The following ZFC3H1 variants were observed in gnomAD, a reference collection of about 807,000 sequenced individuals.
The protein encoded by ZFC3H1 is zinc finger C3H1 domain-containing protein.
In ZFC3H1, 71 loss-of-function variants were observed where a neutral mutation model predicts 243.7. The ratio of observed to expected loss-of-function variants is 0.29; its 90% CI spans 0.24 to 0.36. The LOEUF (loss-of-function observed/expected upper bound fraction) is 0.36, where lower values mean the gene tolerates loss of function less well. ZFC3H1 is among the 10% of genes least tolerant of loss of function. ZFC3H1 has a pLI of 1.00. For missense variants in ZFC3H1, 1,966 were observed against 2,317.1 expected, an observed-to-expected ratio of 0.85 and a Z score of 3.11; for synonymous variants, 838 against 813.0, an observed-to-expected ratio of 1.03 and a Z score of -0.52.
At chr12:71,625,292 A>C (rs1592588195) in intron 22 of ZFC3H1, among the ~76,000 whole-genome samples, 1 of 152,202 alleles carries the variant, frequency 6.6e-6, no homozygotes, top group Non-Finnish European at 1.5e-5. Flanking sequence ...TTATTTAAAA[A>C]TTTATCTGAA....
intron 6 of ZFC3H1, 38 bp downstream of exon 6, chr12:71,642,398 C>T (rs182623730): frequency 1.5e-5 from 24 of 1,590,382 alleles, no homozygotes; most frequent in Non-Finnish European, 2.0e-5. Context: ...CTATTTAATA[C>T]ATGTAAATAC....
Position 71,659,410 on chromosome 12 carries a change from CTAAGTT to C in ZFC3H1, c.599-2115_599-2110del, listed in dbSNP as rs1881106233. Among the ~76,000 whole-genome samples, 4 of 152,250 alleles carry C rather than the reference CTAAGTT, an allele frequency of 2.6e-5. No individual in the cohort carries two copies. In the South Asian group the frequency reaches 6.2e-4, roughly 24 times the overall value. On this transcript the variant is annotated intron_variant, in intron 1 of 34. Coordinates refer to ENST00000378743, the MANE Select transcript of ZFC3H1 (RefSeq NM_144982.5). The stretch of plus-strand genomic sequence containing the variant: ...TCACAATTTTTGCATAGCTTTGTGT[CTAAGTT>C]TGTCTGTTCTTCAACTTAACCCCAA...
In ZFC3H1 at chr12:71,632,006, G is replaced by T; in HGVS notation, c.3326C>A (p.Thr1109Asn). ...CAAAACCTTCTCTGTAATGCCTGTG[G>T]TGGTTTTTAAAATCAGCTGTTTTAG... is the stretch of plus-strand genomic sequence containing the variant. ...DSLKQLILKT[T>N]TGITEKVLHG... The change falls in exon 15 of 35, where the codon ACC becomes AAC. Residue 1109 changes from threonine (T) to asparagine (N), a missense_variant. Around this residue, in one of 4 missense-constraint regions of ZFC3H1, gnomAD observed 1,383 missense variants for 1,723.7 expected, o/e 0.80. Transcript: ENST00000378743. 6.2e-7 allele frequency: 1 copy of T among 1,600,764 alleles called. No individual in the cohort carries two copies. Among genetic ancestry groups the T allele is most frequent in the South Asian group, 1.1e-5 (1 of 89,040 alleles).
At position 71,628,926 on chromosome 12, in the gene ZFC3H1, ATTGGTCC is replaced by A. The variant is rs747847564; in HGVS notation, c.3931_3937del (p.Gly1311LeufsTer11). ...ATTACATAACTTCTTACCATACTTA[ATTGGTCC>A]TGTAGACTGTTCCTCATCACTACTG... On this transcript the variant is annotated frameshift_variant, in exon 20 of 35. Transcript: ENST00000378743. LOFTEE classifies it high-confidence loss of function. 6.3e-7 allele frequency: 1 copy of A among 1,592,250 alleles called. No individual in the cohort carries two copies. The highest frequency in any genetic ancestry group is 1.4e-5 in the African/African-American group (1 of 73,504).
chr12:71,620,823 C>T (rs1347315553), intron 24 of ZFC3H1, among the ~76,000 whole-genome samples: 6 of 152,102 alleles, frequency 3.9e-5, no homozygotes, highest in Admixed American at 6.5e-5. Flanking sequence ...ACTTATTAAA[C>T]GGTACAATGT....
chr12:71,644,869 A>G lies in ZFC3H1; in HGVS notation c.1279+8T>C. The stretch of plus-strand genomic sequence containing the variant: ...ACAAAAACACAAGAATTTAATAAAA[A>G]TGATCACCTGTAGTGCTAACTTTTT... On this transcript the variant is annotated splice_region_variant and intron_variant, in intron 4 of 34. Coordinates refer to ENST00000378743, the MANE Select transcript of ZFC3H1 (RefSeq NM_144982.5). 1 of 1,588,042 alleles carries G rather than the reference A, an allele frequency of 6.3e-7. No individual in the cohort carries two copies. Among genetic ancestry groups the G allele is most frequent in the Non-Finnish European group, 8.5e-7 (1 of 1,173,580 alleles).
intron 6 of ZFC3H1, among the ~76,000 whole-genome samples, chr12:71,640,312 C>T (rs902475032): frequency 2.0e-5 from 3 of 152,164 alleles, no homozygotes; most frequent in African/African-American, 4.8e-5. Context: ...TGTGAGTCAC[C>T]GTGCCCAGCC....
Position 71,662,997 on chromosome 12 carries a change from G to T in ZFC3H1, c.598+16C>A, listed in dbSNP as rs1881227626. 1 of 1,572,940 alleles carries T rather than the reference G, an allele frequency of 6.4e-7. No individual in the cohort carries two copies. The highest frequency in any genetic ancestry group is 8.6e-7 in the Non-Finnish European group (1 of 1,160,192). On this transcript the variant is annotated intron_variant, in intron 1 of 34. Transcript: ENST00000378743. The stretch of plus-strand genomic sequence containing the variant: ...TTTAGTGACACACCCAGCGCCGACC[G>T]CCACGTTAAGGATACAGCTCTTCCG...
intron 27 of ZFC3H1, among the ~76,000 whole-genome samples, chr12:71,616,453 C>G (rs1423622864): frequency 6.6e-6 from 1 of 152,060 alleles, no homozygotes; most frequent in Non-Finnish European, 1.5e-5. Context: ...GATCTATGAT[C>G]AAATAAGGTT....
Position 71,620,333 on chromosome 12 carries a change from A to G in ZFC3H1, c.4745-18T>C, listed in dbSNP as rs1879995117. The G allele has an allele frequency of 1.9e-6, 3 of 1,609,776 alleles. No individual in the cohort carries two copies. The highest frequency in any genetic ancestry group is 1.3e-5 in the African/African-American group (1 of 74,800). ...CACTGCATCTACCCAAAAACATCAC[A>G]ACAACATGAATCACGTCAATCATAA... On this transcript the variant is annotated intron_variant, in intron 24 of 34. Coordinates refer to ENST00000378743, the MANE Select transcript of ZFC3H1 (RefSeq NM_144982.5).
intron 2 of ZFC3H1, 22 bp downstream of exon 2, chr12:71,656,863 C>A (rs752922951): frequency 3.2e-6 from 5 of 1,582,196 alleles, no homozygotes; most frequent in Non-Finnish European, 4.3e-6. Flanking sequence ...TCATTACTAA[C>A]TGAAATATTT....
intron 18 of ZFC3H1, among the ~76,000 whole-genome samples, chr12:71,629,941 A>G (rs1223595143): frequency 2.6e-5 from 4 of 152,160 alleles, no homozygotes; most frequent in Admixed American, 2.6e-4. Flanking sequence ...AGTTCCTAAA[A>G]TGAACTAAGT....
intron 6 of ZFC3H1, among the ~76,000 whole-genome samples, chr12:71,640,719 C>T (rs140102039): frequency 3.0e-4 from 46 of 152,296 alleles, no homozygotes; most frequent in Non-Finnish European, 5.7e-4. Context: ...GCCGGGACCA[C>T]CCCATCATTT....
Position 71,636,969 on chromosome 12 carries a change from G to A in ZFC3H1, c.1816C>T (p.Pro606Ser). 8.7e-6 allele frequency: 14 copies of A among 1,614,008 alleles called. No individual in the cohort carries two copies. The highest frequency in any genetic ancestry group is 1.2e-5 in the Non-Finnish European group (14 of 1,179,952). ...PPLPPLPPLPPEDPEQPPKPP... is the reference protein window; with the variant it reads ...PPLPPLPPLPSEDPEQPPKPP... ...TTTGGAGGCTGTTCTGGATCTTCAG[G>A]TGGGAGAGGTGGTAATGGTGGTAGA... The change falls in exon 8 of 35, where the codon CCT (proline) becomes TCT (serine). Residue 606 changes from proline (P) to serine (S), a missense_variant. This residue lies in a region of ZFC3H1 where 1,383 missense variants were observed against 1,723.7 expected (regional missense o/e 0.80). Transcript: ENST00000378743.
Position 71,632,108 on chromosome 12 carries a change from T to G in ZFC3H1, c.3224A>C (p.Asn1075Thr). ...NKECINKLNK[N>T]TVEKPELFLG... ...AAAAAGTTCTGGTTTTTCTACAGTA[T>G]TTTTATTAAGTTTGTTTATGCATTC... is the stretch of plus-strand genomic sequence containing the variant. The change falls in exon 15 of 35, where the codon AAT becomes ACT. Residue 1075 changes from asparagine to threonine, a missense_variant. Physicochemically the swap from Asn to Thr is moderately conservative, Grantham distance 65. Transcript: ENST00000378743. 6.2e-7 allele frequency: 1 copy of G among 1,610,822 alleles called. No individual in the cohort carries two copies. Among genetic ancestry groups the G allele is most frequent in the Non-Finnish European group, 8.5e-7 (1 of 1,179,104 alleles).
chr12:71,647,910 GATC>G (rs1412457996), intron 2 of ZFC3H1, 97 bp from the exon 3 acceptor site: 2 of 462,030 alleles, frequency 4.3e-6, no homozygotes, highest in Non-Finnish European at 7.3e-6. Flanking sequence ...TTTTAAAAGA[GATC>G]ATTAAAGGGT....
At chr12:71,634,560 C>A (rs1880412242) in intron 11 of ZFC3H1, 144 bp downstream of exon 11, 6 of 1,051,670 alleles carry the variant, frequency 5.7e-6, no homozygotes, top group Non-Finnish European at 6.7e-6. Context: ...CATCCAGCAC[C>A]ATCTTCTGTG....
chr12:71,629,592 C>CACACACAAA lies in ZFC3H1; in HGVS notation c.3826+16_3826+17insTTTGTGTGT. The CACACACAAA allele has an allele frequency of 1.4e-6, 2 of 1,462,406 alleles. No homozygotes were observed. Among genetic ancestry groups the CACACACAAA allele is most frequent in the Non-Finnish European group, 1.9e-6 (2 of 1,057,456 alleles). 90.6% of individuals were successfully genotyped at this position (1,462,406 alleles called of 1,614,324 possible). A position where few individuals can be genotyped will look rare whatever the true frequency, so the allele number is the denominator to read the frequency against. ...ACACACACACACACACACACACACA[C>CACACACAAA]TTATATATGTACTTACTATGACCTT... On this transcript the variant is annotated intron_variant, in intron 19 of 34. Transcript: ENST00000378743.
At position 71,609,885 on chromosome 12, in the gene ZFC3H1, A is replaced by C. The variant is rs1879725668; in HGVS notation, c.*543T>G. The C allele has an allele frequency of 6.5e-6, 1 of 152,706 alleles. No individual in the cohort carries two copies. 9.5% of individuals were successfully genotyped at this position (152,706 alleles called of 1,614,324 possible). On this transcript the variant is annotated 3_prime_UTR_variant, in exon 35 of 35. Transcript: ENST00000378743. ...CAACCCTGATAGAGCATTCAAGTGC[A>C]ACTAGCAGACTTGTGGCCATGGCAG...
Sources: allele counts gnomAD v4.1 joint callset (sites outside exome capture counted in the v4.1 genomes callset), GRCh38; gene constraint gnomAD v4.1.1; regional missense constraint gnomAD v4.1.1; transcripts MANE v1.5; gene names NCBI Gene and HGNC (gene_info 2026-07-23, HGNC 2026-07-21).